PLEKHA5: variants seen among roughly 807,000 people sequenced by gnomAD.
PLEKHA5 encodes the protein pleckstrin homology domain-containing family A member 5.
Under a neutral mutation model 181.9 loss-of-function variants are expected in PLEKHA5, and 55 were observed. The ratio of observed to expected loss-of-function variants is 0.30; its 90% confidence interval spans 0.24 to 0.38. The LOEUF (loss-of-function observed/expected upper bound fraction) is 0.38, where lower values mean the gene tolerates loss of function less well. Ranked by LOEUF, PLEKHA5 falls within the 10% of genes least tolerant of loss-of-function variation. The pLI, the probability that PLEKHA5 is intolerant of heterozygous loss-of-function variation, is 1.00. For missense variants in PLEKHA5, 1,432 were observed against 1,549.5 expected (o/e 0.92, Z 1.27); for synonymous variants, 535 against 529.4 (o/e 1.01, Z -0.15).
intron 3 of PLEKHA5, among the ~76,000 whole-genome samples, chr12:19,179,374 T>C (rs2048019167): frequency 6.6e-6 from 1 of 152,108 alleles, no homozygotes; most frequent in Non-Finnish European, 1.5e-5. Context: ...AATGAAGTGT[T>C]GGCCGGGCGT....
chr12:19,165,179 G>T (rs1475536886), intron 3 of PLEKHA5, among the ~76,000 whole-genome samples: 1 of 152,170 alleles, frequency 6.6e-6, no homozygotes, highest in Non-Finnish European at 1.5e-5. Flanking sequence ...TCTTGATGGG[G>T]TGGAGATGAC....
chr12:19,279,138 A>G (rs2075387137), intron 11 of PLEKHA5, among the ~76,000 whole-genome samples: 2 of 152,220 alleles, frequency 1.3e-5, no homozygotes, highest in Non-Finnish European at 2.9e-5. Context: ...CGATAAGATT[A>G]TATCCTTCCT....
chr12:19,239,140 C>T (rs1211182437), intron 3 of PLEKHA5, among the ~76,000 whole-genome samples: 1 of 151,976 alleles, frequency 6.6e-6, no homozygotes, highest in Non-Finnish European at 1.5e-5. Flanking sequence ...AATTTCAACA[C>T]GAAGAAATGA....
At position 19,314,830 on chromosome 12, in the gene PLEKHA5, C is replaced by A; in HGVS notation, c.2054C>A (p.Pro685His). Reference protein sequence around the residue: ...YLDHQMKENEPIITMVHTMIE... With the variant: ...YLDHQMKENEHIITMVHTMIE... The stretch of plus-strand genomic sequence containing the variant: ...TTGAAATAGATGAAAGAAAATGAAC[C>A]TATTATCACCATGGTTCACACAATG... Residue 685 changes from proline to histidine, a missense_variant, in exon 16 of 32, where the codon CCT (proline) becomes CAT (histidine). By Grantham distance (77) the Pro-to-His change is moderately conservative. Coordinates refer to ENST00000429027, the MANE Select transcript of PLEKHA5 (RefSeq NM_001256470.2). 1 of 1,542,148 alleles carries A rather than the reference C, an allele frequency of 6.5e-7. No homozygotes were observed. Among genetic ancestry groups the A allele is most frequent in the Non-Finnish European group, 8.8e-7 (1 of 1,138,544 alleles).
chr12:19,295,093 G>A (rs967715692), intron 15 of PLEKHA5, among the ~76,000 whole-genome samples: 1 of 152,154 alleles, frequency 6.6e-6, no homozygotes, highest in Non-Finnish European at 1.5e-5. Flanking sequence ...TGAATTTTAA[G>A]ATAGCATAGG....
intron 3 of PLEKHA5, among the ~76,000 whole-genome samples, chr12:19,173,207 T>C (rs1159047438): frequency 6.7e-6 from 1 of 149,992 alleles, no homozygotes; most frequent in Non-Finnish European, 1.5e-5. Flanking sequence ...GTATTTTTAG[T>C]AGAGACGGGG....
At chr12:19,289,628 A>T (rs544835957) in intron 13 of PLEKHA5, among the ~76,000 whole-genome samples, 2 of 152,212 alleles carry the variant, frequency 1.3e-5, no homozygotes, top group South Asian at 2.1e-4. Context: ...TAAGAAAAGT[A>T]TATTAAATTG....
At chr12:19,139,736 G>A (rs773004888) in intron 3 of PLEKHA5, among the ~76,000 whole-genome samples, 13 of 152,206 alleles carry the variant, frequency 8.5e-5, no homozygotes, top group Admixed American at 2.0e-4. Context: ...TGTGGGGGTT[G>A]CTGGGAGAGG....
intron 3 of PLEKHA5, among the ~76,000 whole-genome samples, chr12:19,185,606 C>T (rs1226492216): frequency 6.6e-6 from 1 of 152,118 alleles, no homozygotes; most frequent in East Asian, 1.9e-4. Flanking sequence ...GAATCTACTC[C>T]TGAACTTTTA....
At chr12:19,251,809 C>A (rs1454255162) in intron 3 of PLEKHA5, among the ~76,000 whole-genome samples, 1 of 135,662 alleles carries the variant, frequency 7.4e-6, no homozygotes, top group Admixed American at 7.4e-5. Context: ...TAAAAACATA[C>A]AATTTGTAAT....
chr12:19,223,171 C>CTCTA (rs1337245515), intron 3 of PLEKHA5, among the ~76,000 whole-genome samples: 1 of 151,938 alleles, frequency 6.6e-6, no homozygotes, highest in Non-Finnish European at 1.5e-5. Context: ...CTGCTGTTGT[C>CTCTA]TCTAGGGTTG....
chr12:19,307,561 G>T, intron 15 of PLEKHA5: 1 of 321,970 alleles, frequency 3.1e-6, no homozygotes, highest in South Asian at 3.7e-5. Flanking sequence ...GAAAAAAGAA[G>T]GCATTCAAGA....
chr12:19,136,344 A>G (rs922167327), intron 3 of PLEKHA5, among the ~76,000 whole-genome samples: 6 of 152,170 alleles, frequency 3.9e-5, no homozygotes, highest in Admixed American at 1.3e-4. Flanking sequence ...TATTGTTTTT[A>G]TAACTTAATT....
chr12:19,188,201 A>T, intron 3 of PLEKHA5, among the ~76,000 whole-genome samples: 1 of 152,200 alleles, frequency 6.6e-6, no homozygotes, highest in East Asian at 1.9e-4. Flanking sequence ...AGTTGAGTGT[A>T]AAGAAGTGTC....
At chr12:19,274,260 A>C (rs1163806042) in intron 10 of PLEKHA5, among the ~76,000 whole-genome samples, 1 of 152,196 alleles carries the variant, frequency 6.6e-6, no homozygotes, top group African/African-American at 2.4e-5. Flanking sequence ...CAGATTCCTA[A>C]TGGTGGGAGC....
At chr12:19,349,282 A>AT (rs1173091108) in intron 25 of PLEKHA5, among the ~76,000 whole-genome samples, 2 of 151,916 alleles carry the variant, frequency 1.3e-5, no homozygotes, top group Non-Finnish European at 2.9e-5. Flanking sequence ...TACCCAACTA[A>AT]TTTTTTAAGT....
At chr12:19,221,657 T>A (rs990078699) in intron 3 of PLEKHA5, among the ~76,000 whole-genome samples, 5 of 152,048 alleles carry the variant, frequency 3.3e-5, no homozygotes, top group African/African-American at 1.2e-4. Flanking sequence ...GATCCCAAGG[T>A]AGAATGCAGA....
rs1258177386 is a variant in PLEKHA5, at chr12:19,144,581, G to A, written c.227+12131G>A. Reference sequence around the variant, plus strand: ...AGCTACATAGGAGTGCAAATACAAGGAGTGTGGGACGTAATGTAATGGACA... The same window carrying A: ...AGCTACATAGGAGTGCAAATACAAGAAGTGTGGGACGTAATGTAATGGACA... On this transcript the variant is annotated intron_variant, in intron 3 of 31. Coordinates refer to ENST00000429027, the MANE Select transcript of PLEKHA5 (RefSeq NM_001256470.2). 5.9e-5 allele frequency among the ~76,000 whole-genome samples: 9 copies of A among 152,306 alleles called. No homozygotes were observed. In the East Asian group the frequency reaches 1.7e-3, roughly 29 times the overall value.
rs534831993 is a variant in PLEKHA5 at position 19,249,961 on chromosome 12, C to T, written c.228-3979C>T. Among the ~76,000 whole-genome samples the T allele has an allele frequency of 2.0e-3, 304 of 152,268 alleles. 1 individual carries two copies. The highest frequency in any genetic ancestry group is 3.4e-3 in the Non-Finnish European group (228 of 68,020). The stretch of plus-strand genomic sequence containing the variant: ...GGCTTCCCACCCTCAGCACTGCTGA[C>T]CTTTCTGGAGGTTTATTTGGACATG... On this transcript the variant is annotated intron_variant, in intron 3 of 31. Transcript: ENST00000429027.
Sources: gnomAD v4.1 joint callset for allele counts (sites outside exome capture counted in the v4.1 genomes callset) on GRCh38, gnomAD v4.1.1 for gene constraint, MANE v1.5 for transcripts, NCBI Gene and HGNC (gene_info 2026-07-23, HGNC 2026-07-21) for gene names.